The following TRPC6 variants were observed in gnomAD, a reference collection of about 807,000 sequenced individuals.
The protein encoded by TRPC6 is transient receptor potential cation channel subfamily C member 6.
TRPC6 carries 55 observed loss-of-function variants against 90.7 expected under a neutral mutation model. The ratio of observed to expected loss-of-function variants is 0.61; its 90% CI spans 0.49 to 0.76. The LOEUF is 0.76. TRPC6 is among the 30% of genes least tolerant of loss of function. The probability of loss-of-function intolerance (pLI) is 0.00; values close to 1 mark genes in which losing one functional copy is unlikely to be tolerated. For missense variants in TRPC6, 989 were observed against 1,122.7 expected (o/e 0.88, Z 1.70); for synonymous variants, 393 against 393.0 (o/e 1.00, Z 0.00).
Position 101,455,012 on chromosome 11 carries a change from G to C in TRPC6, c.2568+6C>G. ...TAGTTTTATTCCTTTAAAAATCCAT[G>C]CTTACCTGATATTGTCTTGGAGGAT... On this transcript the variant is annotated splice_donor_region_variant and intron_variant, in intron 11 of 12. Coordinates refer to ENST00000344327, the MANE Select transcript of TRPC6 (RefSeq NM_004621.6). 3 of 1,605,902 alleles carry C rather than the reference G, an allele frequency of 1.9e-6. No individual in the cohort carries two copies. The highest frequency in any genetic ancestry group is 2.6e-6 in the Non-Finnish European group (3 of 1,173,418).
intron 1 of TRPC6, among the ~76,000 whole-genome samples, chr11:101,554,320 T>G (rs1861515011): frequency 2.0e-5 from 3 of 152,146 alleles, no homozygotes; most frequent in Admixed American, 2.0e-4. Context: ...AAGAAAGTTT[T>G]AGATTTGCAT....
chr11:101,471,616 T>C (rs1335964972), intron 8 of TRPC6, among the ~76,000 whole-genome samples: 5 of 152,210 alleles, frequency 3.3e-5, no homozygotes, highest in Non-Finnish European at 5.9e-5. Flanking sequence ...TTCCCATGTG[T>C]TTATAAATAC....
At chr11:101,537,748 A>G (rs1364833990) in intron 1 of TRPC6, among the ~76,000 whole-genome samples, 1 of 148,970 alleles carries the variant, frequency 6.7e-6, no homozygotes, top group Non-Finnish European at 1.5e-5. Context: ...TCTGCTAGCA[A>G]AAAAACATTG....
chr11:101,454,445 T>C (rs1240896081), intron 11 of TRPC6, among the ~76,000 whole-genome samples: 2 of 152,040 alleles, frequency 1.3e-5, no homozygotes, highest in Non-Finnish European at 1.5e-5. Flanking sequence ...AATGAAACTT[T>C]AAATGTTCAT....
intron 1 of TRPC6, among the ~76,000 whole-genome samples, chr11:101,535,189 AG>A (rs1861011654): frequency 2.8e-5 from 1 of 35,860 alleles, no homozygotes; most frequent in Admixed American, 2.4e-4. Context: ...GAAGGAAGGA[AG>A]GAAGGAAGGA....
Position 101,455,114 on chromosome 11 carries a change from A to G in TRPC6, c.2485-13T>C. Reference sequence around the variant, plus strand: ...TATTGTGCCCAACCTGTAATTTGAAAAGATTTAGAAATGGATTCCTACTTA... The same window carrying G: ...TATTGTGCCCAACCTGTAATTTGAAGAGATTTAGAAATGGATTCCTACTTA... On this transcript the variant is annotated splice_polypyrimidine_tract_variant and intron_variant, in intron 10 of 12. Coordinates refer to ENST00000344327, the MANE Select transcript of TRPC6 (RefSeq NM_004621.6). 3.7e-6 allele frequency: 6 copies of G among 1,601,716 alleles called. No homozygotes were observed. Among genetic ancestry groups the G allele is most frequent in the Non-Finnish European group, 5.1e-6 (6 of 1,169,584 alleles).
At chr11:101,461,219 A>C (rs1231236334) in intron 10 of TRPC6, among the ~76,000 whole-genome samples, 1 of 152,238 alleles carries the variant, frequency 6.6e-6, no homozygotes, top group Non-Finnish European at 1.5e-5. Flanking sequence ...ATATGTGCAG[A>C]TAATTTACTT....
chr11:101,493,118 C>T (rs1296431647), intron 2 of TRPC6, among the ~76,000 whole-genome samples: 1 of 152,048 alleles, frequency 6.6e-6, no homozygotes, highest in Non-Finnish European at 1.5e-5. Context: ...ACACTAAGAC[C>T]ACCTATAACC....
intron 10 of TRPC6, among the ~76,000 whole-genome samples, chr11:101,462,773 C>A (rs774263369): frequency 6.6e-6 from 1 of 152,148 alleles, no homozygotes; most frequent in African/African-American, 2.4e-5. Context: ...ATTTGACTTC[C>A]TCTTTTCCTA....
intron 2 of TRPC6, among the ~76,000 whole-genome samples, chr11:101,498,252 G>C (rs867699347): frequency 1.3e-5 from 2 of 152,270 alleles, no homozygotes; most frequent in Middle Eastern, 3.4e-3. Flanking sequence ...TTAAGCTTAA[G>C]ATGGCTGAGG....
intron 1 of TRPC6, among the ~76,000 whole-genome samples, chr11:101,536,585 G>A (rs1861053644): frequency 6.6e-6 from 1 of 152,076 alleles, no homozygotes; most frequent in South Asian, 2.1e-4. Context: ...GTAGTAGAGG[G>A]GAGAAGAAAG....
chr11:101,557,864 G>A lies in TRPC6; in HGVS notation c.170+25470C>T, dbSNP rs1861594284. ...ATAAAATGTTGATAAAACAAATTGA[G>A]GAAGATACAAATAAATGGAAAGATA... On this transcript the variant is annotated intron_variant, in intron 1 of 12. Transcript: ENST00000344327. Among the ~76,000 whole-genome samples the A allele has an allele frequency of 3.3e-5, 5 of 152,062 alleles. No homozygotes were observed. The South Asian group carries it at 1.0e-3, about 32-fold the overall frequency.
chr11:101,566,564 G>A (rs1861835744), intron 1 of TRPC6, among the ~76,000 whole-genome samples: 1 of 152,110 alleles, frequency 6.6e-6, no homozygotes, highest in South Asian at 2.1e-4. Flanking sequence ...ATATCACCCA[G>A]GTCTTATTAC....
chr11:101,478,644 G>C (rs1020069443), intron 5 of TRPC6, among the ~76,000 whole-genome samples: 4 of 152,098 alleles, frequency 2.6e-5, no homozygotes, highest in Non-Finnish European at 4.4e-5. Context: ...AGCTGCCAAG[G>C]AGAGTTTGAA....
chr11:101,453,755 T>C, intron 11 of TRPC6, 30 bp from the exon 12 acceptor site: 2 of 1,595,802 alleles, frequency 1.3e-6, no homozygotes, highest in Non-Finnish European at 1.7e-6. Flanking sequence ...GAAATCTATG[T>C]CAGTTTCAGG....
At position 101,488,930 on chromosome 11, in the gene TRPC6, T is replaced by A. The variant is rs1859738470; in HGVS notation, c.1293+7A>T. On this transcript the variant is annotated splice_region_variant and intron_variant, in intron 4 of 12. Coordinates refer to ENST00000344327, the MANE Select transcript of TRPC6 (RefSeq NM_004621.6). ...AGATAATAGAGGTCCAGGCTTCACATACATACCTTGCTGCATGGAGCAAAC... is the reference window on the plus strand; with the variant it reads ...AGATAATAGAGGTCCAGGCTTCACAAACATACCTTGCTGCATGGAGCAAAC... 1.9e-6 allele frequency: 3 copies of A among 1,611,190 alleles called. No individual in the cohort carries two copies. The highest frequency in any genetic ancestry group is 2.5e-6 in the Non-Finnish European group (3 of 1,179,968).
At chr11:101,466,211 G>C (rs1259221349) in intron 10 of TRPC6, among the ~76,000 whole-genome samples, 2 of 152,234 alleles carry the variant, frequency 1.3e-5, no homozygotes, top group Non-Finnish European at 2.9e-5. Flanking sequence ...GAGGCAGTCT[G>C]ATCCTTAGCA....
At position 101,452,699 on chromosome 11, in the gene TRPC6, T is replaced by G; in HGVS notation, c.*256A>C. ...GACATCATCACAAGAGTTAGTTATA[T>G]CCAAGAAAGCAGTTTATAAAACAAG... is the stretch of plus-strand genomic sequence containing the variant. On this transcript the variant is annotated 3_prime_UTR_variant, in exon 13 of 13. Coordinates refer to ENST00000344327, the MANE Select transcript of TRPC6 (RefSeq NM_004621.6). The G allele has an allele frequency of 2.1e-6, 1 of 465,568 alleles. No individual in the cohort carries two copies. Among genetic ancestry groups the G allele is most frequent in the Non-Finnish European group, 3.9e-6 (1 of 256,132 alleles). 28.8% of individuals were successfully genotyped at this position (465,568 alleles called of 1,614,324 possible).
intron 1 of TRPC6, among the ~76,000 whole-genome samples, chr11:101,527,028 CA>C (rs61477957): frequency 0.25 from 37,483 of 151,756 alleles, 5,631 homozygotes; most frequent in Middle Eastern, 0.35. Flanking sequence ...ACTACAATTT[CA>C]AAAAATATTA....
Sources: gnomAD v4.1 joint callset for allele counts (sites outside exome capture counted in the v4.1 genomes callset) on GRCh38, gnomAD v4.1.1 for gene constraint, MANE v1.5 for transcripts, NCBI Gene and HGNC (gene_info 2026-07-23, HGNC 2026-07-21) for gene names.